VPS13A: variants seen among roughly 807,000 people sequenced by gnomAD.
VPS13A encodes the protein vacuolar protein sorting 13 homolog A.
Under a neutral mutation model 390.9 loss-of-function variants are expected in VPS13A, and 264 were observed. That is an observed-to-expected ratio of 0.68 (90% confidence interval 0.61 to 0.75). The LOEUF (loss-of-function observed/expected upper bound fraction) is 0.75, where lower values mean the gene tolerates loss of function less well. VPS13A is among the 30% of genes least tolerant of loss of function. The pLI, the probability that VPS13A is intolerant of heterozygous loss-of-function variation, is 0.00. For missense variants in VPS13A, 3,409 were observed against 3,733.9 expected (o/e 0.91, Z 2.27); for synonymous variants, 1,231 against 1,227.1 (o/e 1.00, Z -0.07).
intron 12 of VPS13A, among the ~76,000 whole-genome samples, chr9:77,220,883 A>G (rs1456991782): frequency 2.6e-5 from 4 of 152,082 alleles, no homozygotes; most frequent in African/African-American, 9.7e-5. Context: ...TCAGTTGACT[A>G]TTTCAGTTAT....
At chr9:77,351,971 A>G (rs1185585575) in intron 53 of VPS13A, among the ~76,000 whole-genome samples, 1 of 152,270 alleles carries the variant, frequency 6.6e-6, no homozygotes, top group East Asian at 1.9e-4. Context: ...TCTTCAAAAT[A>G]GTATTCAAGT....
At chr9:77,385,046 C>G in intron 68 of VPS13A, 2 of 1,012,232 alleles carry the variant, frequency 2.0e-6, no homozygotes, top group Non-Finnish European at 2.4e-6. Flanking sequence ...TTAATGGTCT[C>G]TGTAAATTTT....
intron 39 of VPS13A, 82 bp from the exon 40 acceptor site, chr9:77,317,524 T>C: frequency 9.8e-7 from 1 of 1,022,690 alleles, no homozygotes; most frequent in Non-Finnish European, 1.4e-6. Flanking sequence ...TTATTTGACA[T>C]ACCTATTACT....
chr9:77,341,086 T>A lies in VPS13A; in HGVS notation c.7026+536T>A, dbSNP rs574866394. On this transcript the variant is annotated intron_variant, in intron 50 of 71. Transcript: ENST00000360280. ...TAGGATTAGAGAAGTTTTTGCTGTT[T>A]CTATTCATTATTCCTTTTTGCATAC... Among the ~76,000 whole-genome samples, 9 of 152,344 alleles carry A rather than the reference T, an allele frequency of 5.9e-5. No homozygotes were observed. In the East Asian group the frequency reaches 1.7e-3, roughly 29 times the overall value.
chr9:77,195,286 G>A lies in VPS13A; in HGVS notation c.101-4659G>A, dbSNP rs371459829. Among the ~76,000 whole-genome samples the A allele has an allele frequency of 8.8e-4, 134 of 152,204 alleles. 1 individual carries two copies. Among genetic ancestry groups the A allele is most frequent in the African/African-American group, 3.0e-3 (125 of 41,568 alleles). On this transcript the variant is annotated intron_variant, in intron 1 of 71. Transcript: ENST00000360280. ...CTGCAGGTGCCCGCCACAACACCTG[G>A]CTAATTTTTTTGTATTTTTAGTAGA...
At chr9:77,296,366 CT>C (rs2131377744) in intron 33 of VPS13A, among the ~76,000 whole-genome samples, 1 of 152,284 alleles carries the variant, frequency 6.6e-6, no homozygotes, top group South Asian at 2.1e-4. Flanking sequence ...ACTGTGTCCT[CT>C]GTGTTTCTGT....
chr9:77,366,600 C>T, intron 60 of VPS13A, 127 bp from the exon 61 acceptor site: 1 of 794,622 alleles, frequency 1.3e-6, no homozygotes, highest in Non-Finnish European at 2.0e-6. Context: ...GTGATTTTAA[C>T]ATAATCCAGA....
chr9:77,412,566 A>C (rs1359545648), intron 71 of VPS13A, among the ~76,000 whole-genome samples: 1 of 152,238 alleles, frequency 6.6e-6, no homozygotes, highest in African/African-American at 2.4e-5. Context: ...AAAAACTCTC[A>C]ATAAATTAAT....
At chr9:77,241,926 T>C (rs376231719) in intron 19 of VPS13A, among the ~76,000 whole-genome samples, 39 of 152,306 alleles carry the variant, frequency 2.6e-4, no homozygotes, top group African/African-American at 9.1e-4. Flanking sequence ...AAGGTTTTAC[T>C]TCACAATTAT....
Position 77,282,007 on chromosome 9 carries a change from A to G in VPS13A, c.2964+81A>G, listed in dbSNP as rs73466098. On this transcript the variant is annotated intron_variant, in intron 28 of 71. Transcript: ENST00000360280. ...TCTAACTGGAATTGTAAGATCCTTAAAGATAAGAAAATATTATAAATTATA... is the reference window on the plus strand; with the variant it reads ...TCTAACTGGAATTGTAAGATCCTTAGAGATAAGAAAATATTATAAATTATA... The G allele has an allele frequency of 7.2e-4, 980 of 1,363,388 alleles. 5 individuals are homozygous for G. The African/African-American group carries it at 0.012, about 17-fold the overall frequency. 84.5% of individuals were successfully genotyped at this position (1,363,388 alleles called of 1,614,324 possible).
chr9:77,356,946 A>T, intron 55 of VPS13A, 79 bp downstream of exon 55: 1 of 1,524,862 alleles, frequency 6.6e-7, no homozygotes, highest in Non-Finnish European at 9.0e-7. Context: ...AAATTTAAGG[A>T]AAGTTTGGCT....
At chr9:77,215,950 G>A (rs1822838412) in intron 10 of VPS13A, among the ~76,000 whole-genome samples, 1 of 152,206 alleles carries the variant, frequency 6.6e-6, no homozygotes, top group African/African-American at 2.4e-5. Flanking sequence ...GCATCTAGCT[G>A]CCATGTACTG....
intron 68 of VPS13A, among the ~76,000 whole-genome samples, chr9:77,389,338 C>A (rs1336708460): frequency 7.0e-6 from 1 of 143,438 alleles, no homozygotes; most frequent in Admixed American, 7.1e-5. Flanking sequence ...GACAGAGTTT[C>A]ACTCCATTGC....
Position 77,321,675 on chromosome 9 carries a change from T to G in VPS13A, c.5759T>G (p.Ile1920Ser), listed in dbSNP as rs1829757419. 1 of 1,613,206 alleles carries G rather than the reference T, an allele frequency of 6.2e-7. No homozygotes were observed. The highest frequency in any genetic ancestry group is 1.3e-5 in the African/African-American group (1 of 74,890). The change falls in exon 44 of 72, where the codon ATC becomes AGC. Residue 1920 changes from isoleucine (I) to serine (S), a missense_variant. Transcript: ENST00000360280. ...GGAGAAAGTTTAAGTATGGATTATA[T>G]CCGAACCAAGGACAATGATCATTTC... ...KNGESLSMDYIRTKDNDHFNA... is the reference protein window; with the variant it reads ...KNGESLSMDYSRTKDNDHFNA...
In VPS13A at chr9:77,370,936, G is replaced by A; in HGVS notation, c.8953+1G>A. 6.2e-7 allele frequency: 1 copy of A among 1,614,010 alleles called. No homozygotes were observed. Among genetic ancestry groups the A allele is most frequent in the Non-Finnish European group, 8.5e-7 (1 of 1,180,004 alleles). On this transcript the variant is annotated splice_donor_variant, in intron 66 of 71. Transcript: ENST00000360280. LOFTEE classifies it high-confidence loss of function. ...GGAATTGTTACAAAACCAATCAAAGGCAAGTATAGTAGTTCCTTTGCAAGT... is the reference window on the plus strand; with the variant it reads ...GGAATTGTTACAAAACCAATCAAAGACAAGTATAGTAGTTCCTTTGCAAGT...
intron 23 of VPS13A, 123 bp downstream of exon 23, chr9:77,260,347 ATTACTTTT>A: frequency 1.2e-6 from 1 of 860,638 alleles, no homozygotes; most frequent in South Asian, 1.8e-5. Flanking sequence ...CATTAAGAAA[ATTACTTTT>A]TTTTTTTTTT....
Position 77,195,823 on chromosome 9 carries a change from A to G in VPS13A, c.101-4122A>G, listed in dbSNP as rs1218526386. 1.3e-5 allele frequency among the ~76,000 whole-genome samples: 2 copies of G among 150,286 alleles called. 1 individual carries two copies. The highest frequency in any genetic ancestry group is 4.3e-4 in the South Asian group (2 of 4,678). On this transcript the variant is annotated intron_variant, in intron 1 of 71. Coordinates refer to ENST00000360280, the MANE Select transcript of VPS13A (RefSeq NM_033305.3). ...TTCACTTATCTTTGCTCTGATCTTTATTATTTTCTCCCTTCTGCTAGGTTT... is the reference window on the plus strand; with the variant it reads ...TTCACTTATCTTTGCTCTGATCTTTGTTATTTTCTCCCTTCTGCTAGGTTT...
rs1835198254 is a variant in VPS13A, at chr9:77,417,283, A to G, written c.*1277A>G. 1 of 152,200 alleles carries G rather than the reference A, an allele frequency of 6.6e-6. No individual in the cohort carries two copies. Among genetic ancestry groups the G allele is most frequent in the South Asian group, 2.1e-4 (1 of 4,832 alleles). The allele number at this position is 152,200 out of a possible 1,614,324, so 9.4% of individuals were successfully genotyped here. A position where few individuals can be genotyped will look rare whatever the true frequency, so the allele number is the denominator to read the frequency against. On this transcript the variant is annotated 3_prime_UTR_variant, in exon 72 of 72. Coordinates refer to ENST00000360280, the MANE Select transcript of VPS13A (RefSeq NM_033305.3). ...GTTTTTGGAATTGAAGACTCTGTAT[A>G]GTCAATAGTTGTGAAATTCTTCTCA...
At chr9:77,374,905 C>T (rs1168788203) in intron 67 of VPS13A, among the ~76,000 whole-genome samples, 1 of 152,056 alleles carries the variant, frequency 6.6e-6, no homozygotes, top group Non-Finnish European at 1.5e-5. Context: ...GCTTTCTGCT[C>T]TATAGGGATA....
Sources: gnomAD v4.1 joint callset for allele counts (sites outside exome capture counted in the v4.1 genomes callset) on GRCh38, gnomAD v4.1.1 for gene constraint, MANE v1.5 for transcripts, NCBI Gene and HGNC (gene_info 2026-07-23, HGNC 2026-07-21) for gene names.